The following PPP1R21 variants were observed in gnomAD, a reference collection of about 807,000 sequenced individuals.
PPP1R21 encodes the protein KLRAQ motif containing 1.
Under a neutral mutation model 112.8 loss-of-function variants are expected in PPP1R21, and 85 were observed. That is an observed-to-expected ratio of 0.75 (90% CI 0.63 to 0.90). The LOEUF (loss-of-function observed/expected upper bound fraction) is 0.90. Among genes scored for constraint, PPP1R21 ranks in the 40% least tolerant of loss-of-function variants. The probability of loss-of-function intolerance (pLI) is 0.00; values close to 1 mark genes in which losing one functional copy is unlikely to be tolerated. For synonymous variants in PPP1R21, 381 were observed against 322.3 expected, an observed-to-expected ratio of 1.18 and a Z score of -1.95; for missense variants, 1,199 against 901.5, an observed-to-expected ratio of 1.33 and a Z score of -4.23.
intron 13 of PPP1R21, 89 bp downstream of exon 13, chr2:48,480,105 G>C (rs772131210): frequency 1.1e-6 from 1 of 879,972 alleles, no homozygotes; most frequent in Non-Finnish European, 1.9e-6. Context: ...ACTGCCAAGG[G>C]TAATAGACCC....
At chr2:48,512,226 A>G (rs1230204413) in intron 21 of PPP1R21, among the ~76,000 whole-genome samples, 1 of 152,166 alleles carries the variant, frequency 6.6e-6, no homozygotes, top group Non-Finnish European at 1.5e-5. Context: ...CTGCTTGCCC[A>G]GACTGAGATA....
rs34546075 is a variant in PPP1R21 at position 48,507,749 on chromosome 2, C to CTTTTTTTTTTTTTTTTTTTTTTTTTTTT, written c.2085+371_2085+398dup. ...AAGACTGATTTGAGTGAGGCTCTGC[C>CTTTTTTTTTTTTTTTTTTTTTTTTTTTT]TTTTTTTTTTTTTTTTTTTTTTTTT... On this transcript the variant is annotated intron_variant, in intron 19 of 21. Coordinates refer to ENST00000294952, the MANE Select transcript of PPP1R21 (RefSeq NM_001135629.3). Among the ~76,000 whole-genome samples, 7 of 42,408 alleles carry CTTTTTTTTTTTTTTTTTTTTTTTTTTTT rather than the reference C, an allele frequency of 1.7e-4. 1 individual carries two copies. The highest frequency in any genetic ancestry group is 2.7e-4 in the Non-Finnish European group (7 of 25,838). 27.8% of individuals were successfully genotyped at this position (42,408 alleles called of 152,430 possible). A position where few individuals can be genotyped will look rare whatever the true frequency, so the allele number is the denominator to read the frequency against.
chr2:48,464,896 G>T lies in PPP1R21; in HGVS notation c.695-41G>T, dbSNP rs1553338170. ...GCATTTAAGTTATTTTCCAGTATATGTGAAATGAGAGACTTAATGTACATT... is the reference window on the plus strand; with the variant it reads ...GCATTTAAGTTATTTTCCAGTATATTTGAAATGAGAGACTTAATGTACATT... On this transcript the variant is annotated intron_variant, in intron 7 of 21. Transcript: ENST00000294952. The T allele has an allele frequency of 9.4e-6, 14 of 1,483,154 alleles. No homozygotes were observed. In the South Asian group the frequency reaches 1.6e-4, roughly 17 times the overall value. The allele number at this position is 1,483,154 out of a possible 1,614,324, so 91.9% of individuals were successfully genotyped here. A position where few individuals can be genotyped will look rare whatever the true frequency, so the allele number is the denominator to read the frequency against.
At chr2:48,504,502 G>T (rs905609488) in intron 17 of PPP1R21, among the ~76,000 whole-genome samples, 1 of 152,130 alleles carries the variant, frequency 6.6e-6, no homozygotes, top group African/African-American at 2.4e-5. Flanking sequence ...TTAGCTGGGC[G>T]TGGTGGCGTG....
At chr2:48,465,406 A>G (rs553690244) in intron 8 of PPP1R21, 87 bp from the exon 9 acceptor site, 5 of 1,214,982 alleles carry the variant, frequency 4.1e-6, no homozygotes, top group African/African-American at 1.5e-5. Context: ...CTAGGATTCA[A>G]ATGTTTTCTC....
rs753007870 is a variant in PPP1R21, at chr2:48,458,163, A to C, written c.311A>C (p.Gln104Pro). ...TCTTCTTCTCAGTTGAGTCAAGAGC[A>C]GAAGAGTGTCTTTGATGAAGATCTG... The part of the protein sequence containing the change: ...GESSSQLSQE[Q>P]KSVFDEDLQK... Residue 104 changes from glutamine to proline, a missense_variant, in exon 4 of 22, where the codon CAG (glutamine) becomes CCG (proline). Physicochemically the swap from Gln to Pro is moderately conservative, Grantham distance 76. Transcript: ENST00000294952. The C allele has an allele frequency of 2.1e-5, 34 of 1,612,638 alleles. No individual in the cohort carries two copies. Among genetic ancestry groups the C allele is most frequent in the Non-Finnish European group, 2.9e-5 (34 of 1,179,048 alleles).
At chr2:48,441,135 C>G in intron 1 of PPP1R21, 125 bp downstream of exon 1, 2 of 706,110 alleles carry the variant, frequency 2.8e-6, no homozygotes, top group Admixed American at 4.7e-5. Context: ...CCTTTCCCCT[C>G]AGCCGTCTCC....
At chr2:48,475,860 A>G (rs979402326) in intron 12 of PPP1R21, among the ~76,000 whole-genome samples, 5 of 152,002 alleles carry the variant, frequency 3.3e-5, no homozygotes, top group Admixed American at 6.6e-5. Context: ...AAAAAAAAGT[A>G]TTTTTGGGTA....
chr2:48,466,159 C>G (rs1668193572), intron 9 of PPP1R21, among the ~76,000 whole-genome samples: 1 of 152,060 alleles, frequency 6.6e-6, no homozygotes, highest in Admixed American at 6.6e-5. Context: ...ACTGTGGGAG[C>G]TAGAAGATGA....
rs564169760 is a variant in PPP1R21, at chr2:48,510,258, A to G, written c.2184+145A>G. On this transcript the variant is annotated intron_variant, in intron 20 of 21. Coordinates refer to ENST00000294952, the MANE Select transcript of PPP1R21 (RefSeq NM_001135629.3). ...TGTATTTCTGATTCATTTAAAAATA[A>G]CATCTTACTTATGTTAGGCAAAAAG... 4 of 561,374 alleles carry G rather than the reference A, an allele frequency of 7.1e-6. No homozygotes were observed. In the African/African-American group the frequency reaches 7.5e-5, roughly 10 times the overall value. The allele number at this position is 561,374 out of a possible 1,614,324, so 34.8% of individuals were successfully genotyped here.
At chr2:48,488,116 G>A (rs1415256619) in intron 14 of PPP1R21, among the ~76,000 whole-genome samples, 3 of 152,162 alleles carry the variant, frequency 2.0e-5, no homozygotes, top group South Asian at 4.1e-4. Flanking sequence ...TATTTCCAAA[G>A]TTGGACTGGC....
At chr2:48,479,195 C>T (rs1364076809) in intron 12 of PPP1R21, among the ~76,000 whole-genome samples, 2 of 152,182 alleles carry the variant, frequency 1.3e-5, no homozygotes, top group Non-Finnish European at 2.9e-5. Context: ...TCCACACTTG[C>T]TCAGAATTTA....
At position 48,458,229 on chromosome 2, in the gene PPP1R21, T is replaced by G; in HGVS notation, c.375+2T>G. 6.3e-7 allele frequency: 1 copy of G among 1,593,250 alleles called. No individual in the cohort carries two copies. The highest frequency in any genetic ancestry group is 8.6e-7 in the Non-Finnish European group (1 of 1,162,550). On this transcript the variant is annotated splice_donor_variant, in intron 4 of 21. Transcript: ENST00000294952. LOFTEE classifies it high-confidence loss of function. ...GAGAATGAACGGTTGCATATACAAG[T>G]GAGAAAATCTGTTTTTCTATGTGAA...
At chr2:48,501,101 T>C (rs930863605) in intron 17 of PPP1R21, among the ~76,000 whole-genome samples, 7 of 152,172 alleles carry the variant, frequency 4.6e-5, no homozygotes, top group African/African-American at 1.7e-4. Context: ...AAGATGACTG[T>C]TTTTACCTCC....
chr2:48,504,395 C>T (rs773677190), intron 17 of PPP1R21, among the ~76,000 whole-genome samples: 1 of 152,200 alleles, frequency 6.6e-6, no homozygotes, highest in African/African-American at 2.4e-5. Context: ...GTAATCCCAG[C>T]ACTTTGGGAG....
intron 17 of PPP1R21, among the ~76,000 whole-genome samples, chr2:48,503,965 A>AG (rs1670250435): frequency 6.6e-6 from 1 of 151,488 alleles, no homozygotes; most frequent in Admixed American, 6.6e-5. Flanking sequence ...AAAAAAAAAA[A>AG]AAAGTTTTCC....
intron 1 of PPP1R21, among the ~76,000 whole-genome samples, chr2:48,449,457 G>A (rs1161007220): frequency 2.0e-5 from 3 of 152,082 alleles, no homozygotes; most frequent in African/African-American, 7.2e-5. Context: ...GCAAATATTT[G>A]GGTCTGCTTT....
At chr2:48,507,659 G>T (rs570712952) in intron 19 of PPP1R21, among the ~76,000 whole-genome samples, 3 of 148,168 alleles carry the variant, frequency 2.0e-5, no homozygotes, top group South Asian at 2.2e-4. Flanking sequence ...GAGCCACCTC[G>T]CCTGGCCCGG....
chr2:48,514,590 ATTCTCCTTT>A, intron 21 of PPP1R21, 116 bp from the exon 22 acceptor site: 1 of 726,730 alleles, frequency 1.4e-6, no homozygotes, highest in Non-Finnish European at 2.5e-6. Flanking sequence ...GTTATCAGCT[ATTCTCCTTT>A]TTGGAAGCTA....
Sources: gnomAD v4.1 joint callset for allele counts (sites outside exome capture counted in the v4.1 genomes callset) on GRCh38, gnomAD v4.1.1 for gene constraint, MANE v1.5 for transcripts, NCBI Gene and HGNC (gene_info 2026-07-23, HGNC 2026-07-21) for gene names.